PTAR1: variants seen among roughly 807,000 people sequenced by gnomAD.
PTAR1 encodes protein prenyltransferase alpha subunit repeat containing 1.
In PTAR1, 17 loss-of-function variants were observed where a neutral mutation model predicts 45.5. That is an observed-to-expected ratio of 0.37 (90% CI 0.26 to 0.56). PTAR1 has a LOEUF of 0.56. Ranked by LOEUF, PTAR1 falls within the 20% of genes least tolerant of loss-of-function variation. The probability of loss-of-function intolerance (pLI) is 0.77; values close to 1 mark genes in which losing one functional copy is unlikely to be tolerated. For missense variants in PTAR1, 391 were observed against 476.3 expected (o/e 0.82, Z 1.67); for synonymous variants, 169 against 171.3 (o/e 0.99, Z 0.11).
intron 1 of PTAR1, among the ~76,000 whole-genome samples, chr9:69,756,576 T>C (rs1826785930): frequency 6.6e-6 from 1 of 152,190 alleles, no homozygotes; most frequent in African/African-American, 2.4e-5. Context: ...CTGGCCCTAC[T>C]GTACCTTCTC....
chr9:69,758,587 GGT>G, intron 1 of PTAR1: 2 of 272,018 alleles, frequency 7.4e-6, no homozygotes, highest in South Asian at 6.5e-5. Flanking sequence ...AGAGGTGGCA[GGT>G]GTGTTTTGAG....
chr9:69,734,099 C>T, intron 4 of PTAR1, 51 bp downstream of exon 4: 1 of 1,037,222 alleles, frequency 9.6e-7, no homozygotes, highest in East Asian at 2.4e-5. Flanking sequence ...GTTTCTTTCT[C>T]CAGCCAGTCT....
rs142595959 is a variant in PTAR1 at position 69,724,291 on chromosome 9, A to G, written c.643-661T>C. On this transcript the variant is annotated intron_variant, in intron 5 of 7. Transcript: ENST00000340434. Reference sequence around the variant, plus strand: ...TTAAAATAACTGAAAATTCAGCAGCAAATTGTTTAAATCTTTGTGATACCA... The same window carrying G: ...TTAAAATAACTGAAAATTCAGCAGCGAATTGTTTAAATCTTTGTGATACCA... 4.1e-4 allele frequency among the ~76,000 whole-genome samples: 62 copies of G among 152,344 alleles called. 1 individual carries two copies. Among genetic ancestry groups the G allele is most frequent in the African/African-American group, 1.4e-3 (59 of 41,586 alleles).
At chr9:69,741,891 T>C (rs1826058898) in intron 2 of PTAR1, 33 bp from the exon 3 acceptor site, 2 of 1,327,702 alleles carry the variant, frequency 1.5e-6, no homozygotes, top group Non-Finnish European at 2.1e-6. Context: ...TAAAAACAAA[T>C]AGTCCTACCT....
At chr9:69,725,195 CTT>C (rs1825212623) in intron 5 of PTAR1, among the ~76,000 whole-genome samples, 1 of 152,080 alleles carries the variant, frequency 6.6e-6, no homozygotes, top group Non-Finnish European at 1.5e-5. Flanking sequence ...TTAAAATGAA[CTT>C]ATATAATATG....
chr9:69,724,025 T>C (rs2134085864), intron 5 of PTAR1, among the ~76,000 whole-genome samples: 1 of 152,346 alleles, frequency 6.6e-6, no homozygotes, highest in South Asian at 2.1e-4. Flanking sequence ...TACTTTGATA[T>C]AAACTTTATT....
intron 2 of PTAR1, among the ~76,000 whole-genome samples, chr9:69,743,093 T>C (rs1826115189): frequency 6.6e-6 from 1 of 152,182 alleles, no homozygotes; most frequent in Non-Finnish European, 1.5e-5. Flanking sequence ...ATTATTACCA[T>C]TTATTTAGCA....
Position 69,718,160 on chromosome 9 carries a change from C to A in PTAR1, c.*182G>T. The A allele has an allele frequency of 1.9e-6, 1 of 516,986 alleles. No homozygotes were observed. Among genetic ancestry groups the A allele is most frequent in the South Asian group, 3.4e-5 (1 of 29,594 alleles). The allele number at this position is 516,986 out of a possible 1,614,324, so 32.0% of individuals were successfully genotyped here. On this transcript the variant is annotated 3_prime_UTR_variant, in exon 8 of 8. Coordinates refer to ENST00000340434, the MANE Select transcript of PTAR1 (RefSeq NM_001099666.2). ...GAAGGAACTATACGATTATTTTATC[C>A]CCACAGGAATGCCAGTTATTAACAA... is the stretch of plus-strand genomic sequence containing the variant.
intron 3 of PTAR1, 109 bp from the exon 4 acceptor site, chr9:69,734,363 G>C: frequency 2.4e-6 from 1 of 417,108 alleles, no homozygotes. Context: ...GAATGTCTAA[G>C]AATTTTAAAA....
intron 1 of PTAR1, among the ~76,000 whole-genome samples, chr9:69,754,084 T>G (rs1349550091): frequency 6.6e-6 from 1 of 150,706 alleles, no homozygotes; most frequent in Admixed American, 6.6e-5. Context: ...TTTGTAAACA[T>G]AGGTAGGTCA....
At position 69,759,836 on chromosome 9, in the gene PTAR1, G is replaced by C. The variant is rs764987519; in HGVS notation, c.86+17C>G. 7 of 1,514,986 alleles carry C rather than the reference G, an allele frequency of 4.6e-6. No homozygotes were observed. Among genetic ancestry groups the C allele is most frequent in the Non-Finnish European group, 6.2e-6 (7 of 1,130,608 alleles). 93.8% of individuals were successfully genotyped at this position (1,514,986 alleles called of 1,614,324 possible). ...GCTCCCGACGACCCTCGGAGGCGGC[G>C]GAGGCGCGCGACTCACATGTGTGGG... On this transcript the variant is annotated intron_variant, in intron 1 of 7. Coordinates refer to ENST00000340434, the MANE Select transcript of PTAR1 (RefSeq NM_001099666.2).
In PTAR1 at chr9:69,759,927, G is replaced by T; in HGVS notation, c.12C>A (p.Thr4=). 1 of 1,512,242 alleles carries T rather than the reference G, an allele frequency of 6.6e-7. No individual in the cohort carries two copies. Among genetic ancestry groups the T allele is most frequent in the South Asian group, 1.2e-5 (1 of 80,498 alleles). 93.7% of individuals were successfully genotyped at this position (1,512,242 alleles called of 1,614,324 possible). A position where few individuals can be genotyped will look rare whatever the true frequency, so the allele number is the denominator to read the frequency against. ...GCACCAGCACCGCCACCTCCTCGCT[G>T]GTCTCGGCCATGTTGGCGGCGGCCG... MAE[T]SEEVAVLVQR... is the part of the protein sequence containing the mutation. Residue 4 remains threonine (T), a synonymous_variant, in exon 1 of 8, where the codon ACC becomes ACA. Transcript: ENST00000340434.
intron 3 of PTAR1, among the ~76,000 whole-genome samples, chr9:69,737,670 C>A (rs956428319): frequency 1.1e-4 from 17 of 152,040 alleles, no homozygotes; most frequent in African/African-American, 3.9e-4. Context: ...AATGGCCATC[C>A]TCATTAAAAA....
chr9:69,748,558 A>T (rs1466099233), intron 2 of PTAR1, among the ~76,000 whole-genome samples: 1 of 152,106 alleles, frequency 6.6e-6, no homozygotes, highest in Non-Finnish European at 1.5e-5. Context: ...TACAGAATAC[A>T]TTTTTAGGTG....
intron 2 of PTAR1, among the ~76,000 whole-genome samples, chr9:69,746,634 C>G (rs1326127449): frequency 2.0e-5 from 3 of 152,176 alleles, no homozygotes; most frequent in Non-Finnish European, 4.4e-5. Flanking sequence ...GAACATATAC[C>G]AGCAAATAAA....
At chr9:69,758,645 A>G (rs1826911944) in intron 1 of PTAR1, 6 of 384,438 alleles carry the variant, frequency 1.6e-5, no homozygotes, top group Middle Eastern at 3.6e-4. Flanking sequence ...CACGTCTCCA[A>G]TTGTGTGCCA....
chr9:69,738,909 G>A (rs1485687438), intron 3 of PTAR1, among the ~76,000 whole-genome samples: 2 of 150,624 alleles, frequency 1.3e-5, no homozygotes, highest in African/African-American at 4.9e-5. Context: ...CCAGGTTCAA[G>A]CGATTCCCCT....
chr9:69,744,991 C>A (rs1458705150), intron 2 of PTAR1, among the ~76,000 whole-genome samples: 1 of 152,152 alleles, frequency 6.6e-6, no homozygotes, highest in Non-Finnish European at 1.5e-5. Flanking sequence ...ACCTACATAA[C>A]CTAACCTCTT....
chr9:69,752,097 T>TA (rs1432286947), intron 1 of PTAR1, among the ~76,000 whole-genome samples: 3 of 152,126 alleles, frequency 2.0e-5, no homozygotes, highest in Admixed American at 2.0e-4. Flanking sequence ...GTAGTTGAAA[T>TA]AAATGTTTTT....
Sources: allele counts gnomAD v4.1 joint callset (sites outside exome capture counted in the v4.1 genomes callset), GRCh38; gene constraint gnomAD v4.1.1; transcripts MANE v1.5; gene names NCBI Gene and HGNC (gene_info 2026-07-23, HGNC 2026-07-21).